Variants in PPARD observed in about 807,000 individuals in gnomAD.
The protein encoded by PPARD is peroxisome proliferator activated receptor delta.
A neutral mutation model predicts 39.5 loss-of-function variants in PPARD; 6 were observed. The ratio of observed to expected loss-of-function variants is 0.15; its 90% CI spans 0.08 to 0.30. PPARD has a LOEUF of 0.30. Among genes scored for constraint, PPARD ranks in the 10% least tolerant of loss-of-function variants. The pLI is 1.00. For synonymous variants in PPARD, 210 were observed against 231.3 expected (o/e 0.91, Z 0.83); for missense variants, 397 against 596.8 (o/e 0.67, Z 3.49).
At chr6:35,415,416 C>T (rs761883967) in intron 3 of PPARD, among the ~76,000 whole-genome samples, 10 of 152,226 alleles carry the variant, frequency 6.6e-5, no homozygotes, top group Non-Finnish European at 1.5e-4. Context: ...ACGGCATTCT[C>T]CCAGCATTGG....
intron 2 of PPARD, among the ~76,000 whole-genome samples, chr6:35,393,525 T>C (rs1425444453): frequency 6.6e-6 from 1 of 152,124 alleles, no homozygotes; most frequent in South Asian, 2.1e-4. Context: ...TGCATACCCC[T>C]CCTCCTGGCT....
chr6:35,357,383 T>G (rs1323023108), intron 2 of PPARD, among the ~76,000 whole-genome samples: 3 of 152,194 alleles, frequency 2.0e-5, no homozygotes, highest in African/African-American at 7.2e-5. Flanking sequence ...TCCTGATGGA[T>G]TCCCCTTGAC....
chr6:35,352,236 T>C (rs184746890), intron 2 of PPARD, among the ~76,000 whole-genome samples: 2 of 152,106 alleles, frequency 1.3e-5, no homozygotes, highest in Admixed American at 1.3e-4. Flanking sequence ...CAGGCTAGAG[T>C]GCAGTGGTGT....
chr6:35,361,779 A>C (rs1383143613), intron 2 of PPARD, among the ~76,000 whole-genome samples: 1 of 152,106 alleles, frequency 6.6e-6, no homozygotes, highest in African/African-American at 2.4e-5. Flanking sequence ...TGGCTTTTGG[A>C]TATGAGCTCT....
chr6:35,344,003 G>A lies in PPARD; in HGVS notation c.-186+1322G>A, dbSNP rs182212390. Among the ~76,000 whole-genome samples, 3 of 151,888 alleles carry A rather than the reference G, an allele frequency of 2.0e-5. No individual in the cohort carries two copies. The East Asian group carries it at 5.8e-4, about 29-fold the overall frequency. On this transcript the variant is annotated intron_variant, in intron 1 of 7. Transcript: ENST00000360694. ...CAGAACTTTTTTTTTTCCCGTTTGA[G>A]TTTTGAAATAGATTGCTGGCCTGAT...
Position 35,425,464 on chromosome 6 carries a change from C to T in PPARD, c.1079-368C>T, listed in dbSNP as rs1766510268. Reference sequence around the variant, plus strand: ...TTTCATCGATGATGACTCACTTGATCCTCACAACAACCCTGTGCAGGAAGA... The same window carrying T: ...TTTCATCGATGATGACTCACTTGATTCTCACAACAACCCTGTGCAGGAAGA... On this transcript the variant is annotated intron_variant, in intron 7 of 7. Transcript: ENST00000360694. This position sits in a 1 kb window ranked among gnomAD's most constrained non-coding sequence, Gnocchi z 4.5. 5 of 1,051,916 alleles carry T rather than the reference C, an allele frequency of 4.8e-6. No homozygotes were observed. The highest frequency in any genetic ancestry group is 5.9e-6 in the Non-Finnish European group (5 of 847,072). 65.2% of individuals were successfully genotyped at this position (1,051,916 alleles called of 1,614,324 possible). A position where few individuals can be genotyped will look rare whatever the true frequency, so the allele number is the denominator to read the frequency against.
intron 2 of PPARD, among the ~76,000 whole-genome samples, chr6:35,365,005 G>A (rs191397296): frequency 3.3e-5 from 5 of 149,824 alleles, no homozygotes; most frequent in South Asian, 4.2e-4. Flanking sequence ...CACCGCGCCC[G>A]GCCCCAAGTG....
intron 2 of PPARD, among the ~76,000 whole-genome samples, chr6:35,367,341 G>A (rs1762259967): frequency 6.6e-6 from 1 of 152,178 alleles, no homozygotes; most frequent in Non-Finnish European, 1.5e-5. Flanking sequence ...TGTGGAAAAA[G>A]GATATGGTGG....
At chr6:35,381,278 A>T (rs1763139769) in intron 2 of PPARD, among the ~76,000 whole-genome samples, 3 of 152,322 alleles carry the variant, frequency 2.0e-5, no homozygotes, top group African/African-American at 7.2e-5. Context: ...TCGTTACGTT[A>T]CAAAGACCAG....
rs1437494457 is a variant in PPARD at position 35,345,273 on chromosome 6, G to C, written c.-185-1794G>C. Among the ~76,000 whole-genome samples, 17 of 151,950 alleles carry C rather than the reference G, an allele frequency of 1.1e-4. 1 individual carries two copies. Among genetic ancestry groups the C allele is most frequent in the Admixed American group, 5.2e-4 (8 of 15,250 alleles). ...CATTCAGTGATTTTTGCAGAGTCTG[G>C]GTCTGGATTTTCTTTCCTTCTTTCT... On this transcript the variant is annotated intron_variant, in intron 1 of 7. Transcript: ENST00000360694.
chr6:35,355,507 G>A (rs1279955896), intron 2 of PPARD, among the ~76,000 whole-genome samples: 1 of 114,754 alleles, frequency 8.7e-6, no homozygotes, highest in Non-Finnish European at 1.6e-5. Flanking sequence ...AGCCATATTT[G>A]TACCACTGTA....
At chr6:35,355,758 C>T (rs1026006383) in intron 2 of PPARD, among the ~76,000 whole-genome samples, 4 of 150,962 alleles carry the variant, frequency 2.6e-5, no homozygotes, top group Non-Finnish European at 4.4e-5. Flanking sequence ...ACTACAGGCG[C>T]CCGCCACCAC....
intron 2 of PPARD, among the ~76,000 whole-genome samples, chr6:35,349,606 C>T (rs1215528792): frequency 6.6e-6 from 1 of 152,074 alleles, no homozygotes; most frequent in African/African-American, 2.4e-5. Flanking sequence ...CTAGGCAGTC[C>T]TCTCACCACA....
At chr6:35,382,317 A>G (rs544668699) in intron 2 of PPARD, among the ~76,000 whole-genome samples, 1 of 152,314 alleles carries the variant, frequency 6.6e-6, no homozygotes, top group South Asian at 2.1e-4. Context: ...GTCAGGAGGC[A>G]TGTTCTAACC....
At chr6:35,391,735 G>C (rs1402705990) in intron 2 of PPARD, among the ~76,000 whole-genome samples, 2 of 152,156 alleles carry the variant, frequency 1.3e-5, no homozygotes, top group Non-Finnish European at 2.9e-5. Context: ...CAGGACCTGG[G>C]ACCAAGCTCT....
At chr6:35,346,390 G>A (rs934455785) in intron 1 of PPARD, among the ~76,000 whole-genome samples, 2 of 152,148 alleles carry the variant, frequency 1.3e-5, no homozygotes, top group Non-Finnish European at 2.9e-5. Flanking sequence ...GGCTTTGTCC[G>A]TTCTGCCAGG....
At chr6:35,413,653 A>G (rs1161442435) in intron 3 of PPARD, among the ~76,000 whole-genome samples, 1 of 150,296 alleles carries the variant, frequency 6.7e-6, no homozygotes, top group African/African-American at 2.4e-5. Flanking sequence ...GTGAAAGGGT[A>G]GTGTGGGCCA....
chr6:35,347,940 T>C (rs1195634726), intron 2 of PPARD, among the ~76,000 whole-genome samples: 4 of 137,770 alleles, frequency 2.9e-5, no homozygotes, highest in African/African-American at 2.8e-5. Context: ...GGAGTTTCGC[T>C]CTTGTTGTCC....
chr6:35,404,135 C>T (rs569716170), intron 2 of PPARD, among the ~76,000 whole-genome samples: 1 of 152,282 alleles, frequency 6.6e-6, no homozygotes, highest in South Asian at 2.1e-4. Context: ...GCTCCTGGTC[C>T]AGTCTTACCC....
Sources: gnomAD v4.1 joint callset for allele counts (sites outside exome capture counted in the v4.1 genomes callset) on GRCh38, gnomAD v4.1.1 for gene constraint, Gnocchi (gnomAD v3.1) non-coding constraint, MANE v1.5 for transcripts, NCBI Gene and HGNC (gene_info 2026-07-23, HGNC 2026-07-21) for gene names.